Variants in CRYBG3 observed in about 807,000 individuals in gnomAD.
CRYBG3 encodes crystallin beta-gamma domain containing 3.
A neutral mutation model predicts 244.2 loss-of-function variants in CRYBG3; 127 were observed. The observed-to-expected ratio is 0.52, with a 90% CI of 0.45 to 0.60. The LOEUF (loss-of-function observed/expected upper bound fraction) is 0.60. CRYBG3 is among the 20% of genes least tolerant of loss of function. CRYBG3 has a pLI of 0.00. For missense variants in CRYBG3, 3,325 were observed against 3,442.5 expected, an observed-to-expected ratio of 0.97 and a Z score of 0.85; for synonymous variants, 1,132 against 1,195.8, an observed-to-expected ratio of 0.95 and a Z score of 1.10.
chr3:97,922,624 AAAACCAC>A (rs2039995180), intron 17 of CRYBG3, among the ~76,000 whole-genome samples: 1 of 152,218 alleles, frequency 6.6e-6, no homozygotes, highest in Non-Finnish European at 1.5e-5. Context: ...AATGCAAATC[AAAACCAC>A]AGTGAGATAC....
At chr3:97,917,913 C>T (rs1376944751) in intron 17 of CRYBG3, among the ~76,000 whole-genome samples, 1 of 152,150 alleles carries the variant, frequency 6.6e-6, no homozygotes, top group African/African-American at 2.4e-5. Context: ...GTGCTAGATA[C>T]ACTACCTATT....
At position 97,864,553 on chromosome 3, in the gene CRYBG3, A is replaced by T; in HGVS notation, c.553A>T (p.Thr185Ser). ...SGSLRTQTHP[T>S]EEQDSNSSEL... ...CTCCCTAAGAACCCAGACACATCCA[A>T]CAGAAGAACAAGACTCTAACTCATC... The change falls in exon 3 of 22, where the codon ACA becomes TCA. Residue 185 changes from threonine (T) to serine (S), a missense_variant. This residue lies in a region of CRYBG3 where 1,526 missense variants were observed against 1,443.2 expected (regional missense o/e 1.06). Transcript: ENST00000389622. The T allele has an allele frequency of 6.5e-7, 1 of 1,535,986 alleles. No homozygotes were observed. Among genetic ancestry groups the T allele is most frequent in the Non-Finnish European group, 8.7e-7 (1 of 1,146,796 alleles).
At chr3:97,869,828 A>C (rs943104227) in intron 3 of CRYBG3, among the ~76,000 whole-genome samples, 1 of 152,176 alleles carries the variant, frequency 6.6e-6, no homozygotes, top group African/African-American at 2.4e-5. Context: ...GGGCCAGGAG[A>C]TATATAGGTT....
In CRYBG3 at chr3:97,888,371, G is replaced by A. The variant is rs2039533643; in HGVS notation, c.7320G>A (p.Lys2440=). 1.9e-6 allele frequency: 3 copies of A among 1,611,340 alleles called. No individual in the cohort carries two copies. The East Asian group carries it at 6.7e-5, about 36-fold the overall frequency. ...VWLAYPDINF[K]GQATVLEEDH... ...TTGCCTACCCAGATATTAATTTTAA[G>A]GGACAAGCTACAGTTCTGGAGGAAG... Residue 2440 remains lysine, a synonymous_variant, in exon 9 of 22, where the codon AAG becomes AAA. Coordinates refer to ENST00000389622, the MANE Select transcript of CRYBG3 (RefSeq NM_153605.4).
At position 97,873,024 on chromosome 3, in the gene CRYBG3, G is replaced by T; in HGVS notation, c.1830G>T (p.Glu610Asp). 2 of 1,535,750 alleles carry T rather than the reference G, an allele frequency of 1.3e-6. No individual in the cohort carries two copies. Among genetic ancestry groups the T allele is most frequent in the Non-Finnish European group, 1.7e-6 (2 of 1,146,774 alleles). The change falls in exon 4 of 22, where the codon GAG (glutamate) becomes GAT (aspartate). Residue 610 changes from glutamate (E) to aspartate (D), a missense_variant. Physicochemically the swap from Glu to Asp is conservative, Grantham distance 45 (BLOSUM62 2). This residue lies in a region of CRYBG3 where 1,526 missense variants were observed against 1,443.2 expected (regional missense o/e 1.06). Transcript: ENST00000389622. ...VASLGNENAP[E>D]LKFELNRSHI... ...GCTTAGGAAATGAAAATGCACCTGA[G>T]TTGAAATTTGAACTTAATAGAAGTC...
At chr3:97,836,541 A>C (rs2038736120) in intron 1 of CRYBG3, among the ~76,000 whole-genome samples, 1 of 152,124 alleles carries the variant, frequency 6.6e-6, no homozygotes, top group South Asian at 2.1e-4. Flanking sequence ...CAGTGCACGA[A>C]AGTCAATTTA....
At chr3:97,854,343 G>A (rs2039034646) in intron 2 of CRYBG3, among the ~76,000 whole-genome samples, 1 of 151,898 alleles carries the variant, frequency 6.6e-6, no homozygotes, top group Admixed American at 6.6e-5. Flanking sequence ...GCTCTTTTTT[G>A]TTCCATATGA....
chr3:97,941,386 G>A, intron 20 of CRYBG3, 80 bp downstream of exon 20: 2 of 1,046,410 alleles, frequency 1.9e-6, no homozygotes, highest in South Asian at 2.3e-5. Flanking sequence ...CAAATCAACT[G>A]GCATGATAAA....
At chr3:97,939,902 T>C (rs2040206195) in intron 19 of CRYBG3, among the ~76,000 whole-genome samples, 1 of 152,050 alleles carries the variant, frequency 6.6e-6, no homozygotes, top group Non-Finnish European at 1.5e-5. Flanking sequence ...TGTATTTCCT[T>C]AGGAAGGTTT....
intron 15 of CRYBG3, among the ~76,000 whole-genome samples, chr3:97,902,138 T>C (rs968012118): frequency 3.3e-5 from 5 of 152,138 alleles, no homozygotes; most frequent in African/African-American, 9.7e-5. Context: ...AAAAGTCAGA[T>C]TGGCAATACA....
chr3:97,868,127 C>CA (rs1237583308), intron 3 of CRYBG3, among the ~76,000 whole-genome samples: 3 of 151,774 alleles, frequency 2.0e-5, no homozygotes, highest in Non-Finnish European at 4.4e-5. Context: ...ACTAAAAATA[C>CA]AAAAAAATTA....
intron 2 of CRYBG3, among the ~76,000 whole-genome samples, chr3:97,857,503 T>A (rs2039083789): frequency 6.6e-6 from 1 of 151,614 alleles, no homozygotes; most frequent in South Asian, 2.1e-4. Context: ...TGGGATCTAA[T>A]ACTATTTGCT....
chr3:97,925,398 A>G (rs1285677453), intron 17 of CRYBG3, among the ~76,000 whole-genome samples: 1 of 152,098 alleles, frequency 6.6e-6, no homozygotes, highest in African/African-American at 2.4e-5. Flanking sequence ...ATATATAGCT[A>G]GTGGAAGAAG....
intron 15 of CRYBG3, among the ~76,000 whole-genome samples, chr3:97,908,099 G>A (rs1224968721): frequency 6.6e-6 from 1 of 152,210 alleles, no homozygotes; most frequent in African/African-American, 2.4e-5. Flanking sequence ...TGATTGCACT[G>A]TGGTCTGAGA....
chr3:97,835,442 T>C (rs997617650), intron 1 of CRYBG3, among the ~76,000 whole-genome samples: 1 of 152,042 alleles, frequency 6.6e-6, no homozygotes, highest in Non-Finnish European at 1.5e-5. Flanking sequence ...GAAAGAACTT[T>C]CTGGGCAGAA....
chr3:97,880,474 C>T (rs2039432161), intron 6 of CRYBG3, among the ~76,000 whole-genome samples: 1 of 152,160 alleles, frequency 6.6e-6, no homozygotes, highest in Non-Finnish European at 1.5e-5. Flanking sequence ...GTGAAGGCCA[C>T]ATAGTTAAAG....
intron 1 of CRYBG3, among the ~76,000 whole-genome samples, chr3:97,829,942 G>A (rs1293686508): frequency 6.6e-6 from 1 of 152,014 alleles, no homozygotes; most frequent in Non-Finnish European, 1.5e-5. Flanking sequence ...TCTCATTTAA[G>A]CTGTTTCTCC....
chr3:97,875,515 A>G lies in CRYBG3; in HGVS notation c.4321A>G (p.Lys1441Glu), dbSNP rs1175090765. 7.9e-7 allele frequency: 1 copy of G among 1,272,022 alleles called. No homozygotes were observed. The highest frequency in any genetic ancestry group is 9.9e-7 in the Non-Finnish European group (1 of 1,013,794). The allele number at this position is 1,272,022 out of a possible 1,614,324, so 78.8% of individuals were successfully genotyped here. Residue 1441 changes from lysine (K) to glutamate (E), a missense_variant, in exon 4 of 22, where the codon AAA (lysine) becomes GAA (glutamate). Physicochemically the swap from Lys to Glu is moderately conservative, Grantham distance 56. Coordinates refer to ENST00000389622, the MANE Select transcript of CRYBG3 (RefSeq NM_153605.4). Reference sequence around the variant, plus strand: ...ACATAAACGGTTAGATGATAGGGTAAAAACACATTTATTTCGCAGTGAGGA... The same window carrying G: ...ACATAAACGGTTAGATGATAGGGTAGAAACACATTTATTTCGCAGTGAGGA... Reference protein sequence around the residue: ...MSHKRLDDRVKTHLFRSEDCN... With the variant: ...MSHKRLDDRVETHLFRSEDCN...
intron 19 of CRYBG3, among the ~76,000 whole-genome samples, chr3:97,938,810 T>C (rs1339567492): frequency 1.3e-5 from 2 of 151,984 alleles, no homozygotes; most frequent in African/African-American, 4.8e-5. Context: ...TTATTATTAT[T>C]ATTCACAATG....
Sources: allele counts gnomAD v4.1 joint callset (sites outside exome capture counted in the v4.1 genomes callset), GRCh38; gene constraint gnomAD v4.1.1; regional missense constraint gnomAD v4.1.1; transcripts MANE v1.5; gene names NCBI Gene and HGNC (gene_info 2026-07-23, HGNC 2026-07-21).